The following ROBO1 variants were observed in gnomAD, a reference collection of about 807,000 sequenced individuals.
The protein encoded by ROBO1 is roundabout guidance receptor 1.
Under a neutral mutation model 195.9 loss-of-function variants are expected in ROBO1, and 149 were observed. The observed-to-expected ratio is 0.76, with a 90% confidence interval of 0.67 to 0.87. ROBO1 has a LOEUF of 0.87. ROBO1 is among the 40% of genes least tolerant of loss of function. The pLI, the probability that ROBO1 is intolerant of heterozygous loss-of-function variation, is 0.00. For synonymous variants in ROBO1, 816 were observed against 733.2 expected (o/e 1.11, Z -1.82); for missense variants, 1,933 against 2,068.3 (o/e 0.93, Z 1.27).
chr3:78,601,929 A>C (rs1033318190), intron 29 of ROBO1, among the ~76,000 whole-genome samples: 2 of 152,024 alleles, frequency 1.3e-5, no homozygotes, highest in African/African-American at 4.8e-5. Context: ...AGCACCACAG[A>C]TATGCTGATG....
At chr3:78,970,884 T>C (rs1406043924) in intron 3 of ROBO1, among the ~76,000 whole-genome samples, 1 of 151,904 alleles carries the variant, frequency 6.6e-6, no homozygotes, top group Non-Finnish European at 1.5e-5. Context: ...AAAGCTCTTC[T>C]CACCATAGTT....
chr3:79,583,949 C>T lies in ROBO1; in HGVS notation c.88+5875G>A, dbSNP rs115191996. Among the ~76,000 whole-genome samples, 49 of 151,966 alleles carry T rather than the reference C, an allele frequency of 3.2e-4. 1 individual carries two copies. Among genetic ancestry groups the T allele is most frequent in the African/African-American group, 1.1e-3 (44 of 41,522 alleles). ...ATTGCCAAGGTATAGTGTTTCCTCA[C>T]TCAGGCTGAATATAACAGAACCCAA... On this transcript the variant is annotated intron_variant, in intron 2 of 30. Coordinates refer to ENST00000464233, the MANE Select transcript of ROBO1 (RefSeq NM_002941.4).
At chr3:79,590,166 G>A (rs113132888) in intron 1 of ROBO1, among the ~76,000 whole-genome samples, 1 of 151,556 alleles carries the variant, frequency 6.6e-6, no homozygotes, top group Non-Finnish European at 1.5e-5. Flanking sequence ...TATTAATTTT[G>A]AAAACTCATT....
chr3:79,286,692 G>A (rs536456839), intron 2 of ROBO1, among the ~76,000 whole-genome samples: 16 of 152,206 alleles, frequency 1.1e-4, no homozygotes, highest in Middle Eastern at 3.4e-3. Context: ...ATTTCCTAAC[G>A]CCTGCCCAAG....
chr3:79,125,472 A>C lies in ROBO1; in HGVS notation c.156T>G (p.Asn52Lys). 1 of 1,613,552 alleles carries C rather than the reference A, an allele frequency of 6.2e-7. No individual in the cohort carries two copies. Among genetic ancestry groups the C allele is most frequent in the Non-Finnish European group, 8.5e-7 (1 of 1,179,710 alleles). ...ACACTCTACCTGTATAGCCCAGCGAATTGTCATCGTTATCAGAGGTGGGGA... is the reference window on the plus strand; with the variant it reads ...ACACTCTACCTGTATAGCCCAGCGACTTGTCATCGTTATCAGAGGTGGGGA... ...TPIPTSDNDD[N>K]SLGYTGSRLR... is the part of the protein sequence containing the mutation. Residue 52 changes from asparagine to lysine, a missense_variant, in exon 3 of 31, where the codon AAT becomes AAG. Coordinates refer to ENST00000464233, the MANE Select transcript of ROBO1 (RefSeq NM_002941.4).
At chr3:79,038,730 A>G (rs1204527058) in intron 3 of ROBO1, among the ~76,000 whole-genome samples, 2 of 150,764 alleles carry the variant, frequency 1.3e-5, no homozygotes, top group Non-Finnish European at 2.9e-5. Context: ...AAAAAAAAAA[A>G]CTCTCCCTAA....
At chr3:79,607,094 T>TTCACACACACACAC (rs1418870199) in intron 1 of ROBO1, among the ~76,000 whole-genome samples, 1 of 40,418 alleles carries the variant, frequency 2.5e-5, no homozygotes, top group African/African-American at 1.4e-4. Context: ...TATTAAAACC[T>TTCACACACACACAC]GCACACACAC....
At chr3:78,981,924 G>A (rs1351741468) in intron 3 of ROBO1, among the ~76,000 whole-genome samples, 1 of 151,686 alleles carries the variant, frequency 6.6e-6, no homozygotes, top group African/African-American at 2.4e-5. Flanking sequence ...CCCACTGCAG[G>A]AATCTCATAA....
At chr3:79,413,935 G>T (rs772446679) in intron 2 of ROBO1, among the ~76,000 whole-genome samples, 1 of 151,982 alleles carries the variant, frequency 6.6e-6, no homozygotes, top group Non-Finnish European at 1.5e-5. Flanking sequence ...TTCCTTCTAG[G>T]AGCCATAAAA....
Position 79,019,331 on chromosome 3 carries a change from G to A in ROBO1, c.173-80404C>T, listed in dbSNP as rs963806829. The A allele has an allele frequency of 4.1e-6, 4 of 985,754 alleles. No individual in the cohort carries two copies. The African/African-American group carries it at 7.0e-5, about 17-fold the overall frequency. 61.1% of individuals were successfully genotyped at this position (985,754 alleles called of 1,614,324 possible). A position where few individuals can be genotyped will look rare whatever the true frequency, so the allele number is the denominator to read the frequency against. ...GAGGCAGCTCCCGGCTCTCCCCGGG[G>A]TGGCAGAGAAGGGCAGAGAGGATGC... is the stretch of plus-strand genomic sequence containing the variant. On this transcript the variant is annotated intron_variant, in intron 3 of 30. Coordinates refer to ENST00000464233, the MANE Select transcript of ROBO1 (RefSeq NM_002941.4).
intron 2 of ROBO1, among the ~76,000 whole-genome samples, chr3:79,183,648 G>T (rs376339332): frequency 6.6e-6 from 1 of 152,198 alleles, no homozygotes; most frequent in African/African-American, 2.4e-5. Flanking sequence ...GGATGGTTGG[G>T]TTACAAAGAT....
intron 2 of ROBO1, among the ~76,000 whole-genome samples, chr3:79,227,425 G>A (rs2082245002): frequency 6.6e-6 from 1 of 152,100 alleles, no homozygotes; most frequent in African/African-American, 2.4e-5. Flanking sequence ...TCCCTACTGA[G>A]CTTCAGATCT....
At chr3:79,449,719 T>C (rs1262719702) in intron 2 of ROBO1, among the ~76,000 whole-genome samples, 1 of 152,180 alleles carries the variant, frequency 6.6e-6, no homozygotes, top group Non-Finnish European at 1.5e-5. Flanking sequence ...TGATGATAAA[T>C]ATCTAAATAG....
At chr3:78,883,387 C>T (rs1346312349) in intron 4 of ROBO1, among the ~76,000 whole-genome samples, 1 of 151,852 alleles carries the variant, frequency 6.6e-6, no homozygotes, top group African/African-American at 2.4e-5. Context: ...ACATGAGACG[C>T]AGATATGTAT....
chr3:79,406,113 C>T (rs2037536121), intron 2 of ROBO1, among the ~76,000 whole-genome samples: 1 of 152,004 alleles, frequency 6.6e-6, no homozygotes, highest in Non-Finnish European at 1.5e-5. Flanking sequence ...GCAAGAAACA[C>T]TTGACCTTTG....
chr3:79,160,379 C>A (rs1047534643), intron 2 of ROBO1, among the ~76,000 whole-genome samples: 11 of 151,616 alleles, frequency 7.3e-5, no homozygotes, highest in Non-Finnish European at 1.6e-4. Flanking sequence ...ATAAAGAATG[C>A]CAAATTTTGC....
At chr3:78,840,532 A>C (rs1488549408) in intron 4 of ROBO1, among the ~76,000 whole-genome samples, 1 of 152,180 alleles carries the variant, frequency 6.6e-6, no homozygotes, top group Non-Finnish European at 1.5e-5. Flanking sequence ...TTTAAAGATG[A>C]GAAAGCCAAG....
intron 1 of ROBO1, among the ~76,000 whole-genome samples, chr3:79,595,523 A>T (rs2107840482): frequency 6.6e-6 from 1 of 152,044 alleles, no homozygotes; most frequent in East Asian, 1.9e-4. Context: ...TTATGAACCA[A>T]AATTGGTTTT....
chr3:79,113,486 G>A (rs892970459), intron 3 of ROBO1, among the ~76,000 whole-genome samples: 7 of 151,928 alleles, frequency 4.6e-5, no homozygotes, highest in African/African-American at 1.7e-4. Flanking sequence ...TGAAATTATT[G>A]GCAAGGTGCA....
Sources: gnomAD v4.1 joint callset for allele counts (sites outside exome capture counted in the v4.1 genomes callset) on GRCh38, gnomAD v4.1.1 for gene constraint, MANE v1.5 for transcripts, NCBI Gene and HGNC (gene_info 2026-07-23, HGNC 2026-07-21) for gene names.